FAT4: variants seen among roughly 807,000 people sequenced by gnomAD.
FAT4 encodes the protein FAT atypical cadherin 4.
Under a neutral mutation model 303.9 loss-of-function variants are expected in FAT4, and 84 were observed. The ratio of observed to expected loss-of-function variants is 0.28; its 90% CI spans 0.23 to 0.33. FAT4 has a LOEUF of 0.33. FAT4 is among the 10% of genes least tolerant of loss of function. The pLI is 1.00. For missense variants in FAT4, 6,005 were observed against 6,146.8 expected, an observed-to-expected ratio of 0.98 and a Z score of 0.77; for synonymous variants, 2,307 against 2,298.8, an observed-to-expected ratio of 1.00 and a Z score of -0.10.
chr4:125,435,648 C>G (rs1420839829), intron 8 of FAT4, among the ~76,000 whole-genome samples: 4 of 152,072 alleles, frequency 2.6e-5, no homozygotes, highest in Non-Finnish European at 4.4e-5. Context: ...TGGAATTAAT[C>G]TCGTTGTTTT....
intron 2 of FAT4, among the ~76,000 whole-genome samples, chr4:125,367,588 C>T (rs1578565053): frequency 6.6e-6 from 1 of 152,136 alleles, no homozygotes; most frequent in African/African-American, 2.4e-5. Flanking sequence ...GTTTAAATAG[C>T]AGGTTGGGGG....
At position 125,349,584 on chromosome 4, in the gene FAT4, G is replaced by A. The variant is rs866492817; in HGVS notation, c.5175+27998G>A. 5.3e-5 allele frequency among the ~76,000 whole-genome samples: 8 copies of A among 151,790 alleles called. No individual in the cohort carries two copies. In the South Asian group the frequency reaches 1.5e-3, roughly 28 times the overall value. On this transcript the variant is annotated intron_variant, in intron 2 of 17. Coordinates refer to ENST00000394329, the MANE Select transcript of FAT4 (RefSeq NM_001291303.3). ...ATGTTCATACCTAGAGAGATTTATG[G>A]TGACATAAGCAGCCAAATAGCACAA...
chr4:125,469,340 G>A (rs1726781919), intron 12 of FAT4, among the ~76,000 whole-genome samples: 1 of 152,224 alleles, frequency 6.6e-6, no homozygotes, highest in Admixed American at 6.5e-5. Context: ...TTCGTGGTGG[G>A]GGCTATGGAA....
chr4:125,413,270 A>G (rs1011524518), intron 5 of FAT4, among the ~76,000 whole-genome samples: 1 of 151,808 alleles, frequency 6.6e-6, no homozygotes, highest in East Asian at 1.9e-4. Flanking sequence ...AGATTCTACA[A>G]TTCTGTTTCT....
intron 17 of FAT4, 55 bp downstream of exon 17, chr4:125,487,661 GTA>G: frequency 1.3e-6 from 2 of 1,497,994 alleles, no homozygotes; most frequent in East Asian, 4.6e-5. Context: ...TCTTCAAAAA[GTA>G]ATTGCTTTTT....
chr4:125,321,332 G>A lies in FAT4; in HGVS notation c.4921G>A (p.Gly1641Arg), dbSNP rs1730933837. 2.5e-6 allele frequency: 4 copies of A among 1,614,148 alleles called. No homozygotes were observed. The highest frequency in any genetic ancestry group is 3.4e-6 in the Non-Finnish European group (4 of 1,180,010). ...QPKYITILKE[G>R]EPIGTNVISI... is the part of the protein sequence containing the mutation. ...CAAATATATAACTATTTTGAAGGAA[G>A]GAGAACCCATTGGCACAAACGTGAT... Residue 1641 changes from glycine (G) to arginine (R), a missense_variant, in exon 2 of 18, where the codon GGA (glycine) becomes AGA (arginine). Transcript: ENST00000394329.
Position 125,318,214 on chromosome 4 carries a change from A to C in FAT4, c.1803A>C (p.Glu601Asp), listed in dbSNP as rs746513819. Reference sequence around the variant, plus strand: ...TTGAGAATGCCCCAACAGGGACAGAACTGTTGATGCTCAGGGCAACTGACG... The same window carrying C: ...TTGAGAATGCCCCAACAGGGACAGACCTGTTGATGCTCAGGGCAACTGACG... ...SVVENAPTGT[E>D]LLMLRATDGD... Residue 601 changes from glutamate to aspartate, a missense_variant, in exon 2 of 18, where the codon GAA becomes GAC. Transcript: ENST00000394329. 1 of 1,614,216 alleles carries C rather than the reference A, an allele frequency of 6.2e-7. No homozygotes were observed. The highest frequency in any genetic ancestry group is 1.6e-4 in the Middle Eastern group (1 of 6,062).
chr4:125,412,674 T>C (rs1734891046), intron 5 of FAT4, among the ~76,000 whole-genome samples: 1 of 151,898 alleles, frequency 6.6e-6, no homozygotes, highest in Non-Finnish European at 1.5e-5. Flanking sequence ...GGAAGTAGCA[T>C]ACATGATGGA....
At chr4:125,484,078 C>T (rs1292345221) in intron 16 of FAT4, among the ~76,000 whole-genome samples, 1 of 151,230 alleles carries the variant, frequency 6.6e-6, no homozygotes, top group Non-Finnish European at 1.5e-5. Context: ...CACACACACA[C>T]ACACACACAC....
At chr4:125,480,723 G>T (rs1392845242) in intron 15 of FAT4, among the ~76,000 whole-genome samples, 1 of 151,958 alleles carries the variant, frequency 6.6e-6, no homozygotes, top group Non-Finnish European at 1.5e-5. Context: ...AATATATACT[G>T]TCATGTGATT....
At chr4:125,322,418 A>G (rs1400569186) in intron 2 of FAT4, among the ~76,000 whole-genome samples, 2 of 152,144 alleles carry the variant, frequency 1.3e-5, no homozygotes, top group African/African-American at 2.4e-5. Flanking sequence ...GCCTCCTTGT[A>G]TCGTTGATTT....
At position 125,398,238 on chromosome 4, in the gene FAT4, G is replaced by A. The variant is rs181822182; in HGVS notation, c.5176-546G>A. Among the ~76,000 whole-genome samples, 16 of 152,240 alleles carry A rather than the reference G, an allele frequency of 1.1e-4. 1 individual carries two copies. Among genetic ancestry groups the A allele is most frequent in the Admixed American group, 1.0e-3 (16 of 15,250 alleles). ...GCTTTAGTCACAAATAGAGAGTGCT[G>A]ATACGAGTGGAAATAGAAAGAAAAG... On this transcript the variant is annotated intron_variant, in intron 2 of 17. Coordinates refer to ENST00000394329, the MANE Select transcript of FAT4 (RefSeq NM_001291303.3).
intron 2 of FAT4, among the ~76,000 whole-genome samples, chr4:125,365,701 A>G (rs774728463): frequency 3.3e-5 from 5 of 152,242 alleles, no homozygotes; most frequent in Admixed American, 1.3e-4. Context: ...GAAATAAAGT[A>G]TATGATAAAG....
At chr4:125,462,104 A>C (rs1470371067) in intron 10 of FAT4, among the ~76,000 whole-genome samples, 1 of 151,982 alleles carries the variant, frequency 6.6e-6, no homozygotes, top group Non-Finnish European at 1.5e-5. Context: ...TTATAAGGGA[A>C]AAAATGTTGT....
At position 125,408,636 on chromosome 4, in the gene FAT4, G is replaced by A. The variant is rs368061055; in HGVS notation, c.5762G>A (p.Gly1921Asp). The change falls in exon 5 of 18, where the codon GGT becomes GAT. Residue 1921 changes from glycine (G) to aspartate (D), a missense_variant. Transcript: ENST00000394329. ...YYILTVRAED[G>D]GGQFTTIRVY... is the part of the protein sequence containing the mutation. ...ATCCTCACTGTTCGAGCAGAAGATG[G>A]TGGGGGACAATTTACTACCATCAGA... 11 of 1,611,614 alleles carry A rather than the reference G, an allele frequency of 6.8e-6. No individual in the cohort carries two copies. In the South Asian group the frequency reaches 1.2e-4, roughly 18 times the overall value.
At chr4:125,403,723 T>A (rs1734478430) in intron 3 of FAT4, among the ~76,000 whole-genome samples, 1 of 152,162 alleles carries the variant, frequency 6.6e-6, no homozygotes, top group East Asian at 1.9e-4. Flanking sequence ...TCTTGAAATG[T>A]CCTCAGTAAG....
intron 2 of FAT4, among the ~76,000 whole-genome samples, chr4:125,375,574 T>C (rs1374132822): frequency 1.3e-5 from 2 of 152,186 alleles, no homozygotes; most frequent in East Asian, 3.9e-4. Context: ...TGATTCTAAT[T>C]TGTAACTAGT....
Position 125,491,564 on chromosome 4 carries a change from C to A in FAT4, c.14748C>A (p.Asp4916Glu). The A allele has an allele frequency of 6.2e-7, 1 of 1,614,176 alleles. No individual in the cohort carries two copies. Among genetic ancestry groups the A allele is most frequent in the South Asian group, 1.1e-5 (1 of 91,082 alleles). The change falls in exon 18 of 18, where the codon GAC becomes GAA. Residue 4916 changes from aspartate to glutamate, a missense_variant. Coordinates refer to ENST00000394329, the MANE Select transcript of FAT4 (RefSeq NM_001291303.3). ...AGGCAGCAGCACCAGGCACTGCTGA[C>A]AACACACTGCCCATGAAGCTAGGGC... Reference protein sequence around the residue: ...GTQAAAPGTADNTLPMKLGQQ... With the variant: ...GTQAAAPGTAENTLPMKLGQQ...
At position 125,318,659 on chromosome 4, in the gene FAT4, G is replaced by A. The variant is rs755138266; in HGVS notation, c.2248G>A (p.Ala750Thr). The change falls in exon 2 of 18, where the codon GCC becomes ACC. Residue 750 changes from alanine (A) to threonine (T), a missense_variant. Physicochemically the swap from Ala to Thr is moderately conservative, Grantham distance 58. Transcript: ENST00000394329. ...AQSGVISTRM[A>T]LDREEKTAYQ... Reference sequence around the variant, plus strand: ...GAGTGGGGTTATTTCTACAAGAATGGCCCTAGACAGAGAAGAAAAAACAGC... The same window carrying A: ...GAGTGGGGTTATTTCTACAAGAATGACCCTAGACAGAGAAGAAAAAACAGC... 6.2e-7 allele frequency: 1 copy of A among 1,614,074 alleles called. No homozygotes were observed. Among genetic ancestry groups the A allele is most frequent in the Non-Finnish European group, 8.5e-7 (1 of 1,180,018 alleles).
Sources: gnomAD v4.1 joint callset for allele counts (sites outside exome capture counted in the v4.1 genomes callset) on GRCh38, gnomAD v4.1.1 for gene constraint, MANE v1.5 for transcripts, NCBI Gene and HGNC (gene_info 2026-07-23, HGNC 2026-07-21) for gene names.